The following ZBTB20 variants were observed in gnomAD, a reference collection of about 807,000 sequenced individuals.
ZBTB20 encodes the protein zinc finger and BTB domain-containing protein 20.
ZBTB20 carries 9 observed loss-of-function variants against 56.9 expected under a neutral mutation model. That is an observed-to-expected ratio of 0.16 (90% CI 0.10 to 0.28). The LOEUF is 0.28. Ranked by LOEUF, ZBTB20 falls within the 10% of genes least tolerant of loss-of-function variation. The pLI, the probability that ZBTB20 is intolerant of heterozygous loss-of-function variation, is 1.00. For missense variants in ZBTB20, 655 were observed against 1,003.0 expected, an observed-to-expected ratio of 0.65 and a Z score of 4.69; for synonymous variants, 417 against 420.7, an observed-to-expected ratio of 0.99 and a Z score of 0.11.
At chr3:114,976,090 T>C (rs1472833094) in intron 2 of ZBTB20, among the ~76,000 whole-genome samples, 1 of 152,218 alleles carries the variant, frequency 6.6e-6, no homozygotes, top group Non-Finnish European at 1.5e-5. Context: ...ACTTCTACAA[T>C]GCATTCTTTA....
chr3:114,726,069 C>T (rs952776998), intron 5 of ZBTB20, among the ~76,000 whole-genome samples: 4 of 151,948 alleles, frequency 2.6e-5, no homozygotes, highest in Admixed American at 6.6e-5. Flanking sequence ...ACTATGTAAC[C>T]GGTAAAAGGT....
At chr3:114,667,278 TA>T (rs769471491) in intron 6 of ZBTB20, among the ~76,000 whole-genome samples, 13 of 152,088 alleles carry the variant, frequency 8.5e-5, no homozygotes, top group East Asian at 7.7e-4. Context: ...GTAAACAAAA[TA>T]ACTTTTAAAA....
chr3:114,799,808 A>G (rs544420304), intron 5 of ZBTB20, among the ~76,000 whole-genome samples: 14 of 152,046 alleles, frequency 9.2e-5, no homozygotes, highest in Non-Finnish European at 1.9e-4. Flanking sequence ...AGATGCAATC[A>G]CAGTAAGGTA....
chr3:115,022,090 A>T (rs1236346779), intron 2 of ZBTB20, among the ~76,000 whole-genome samples: 1 of 150,792 alleles, frequency 6.6e-6, no homozygotes, highest in Non-Finnish European at 1.5e-5. Flanking sequence ...ATAATAGTTC[A>T]GACAATCTCC....
intron 2 of ZBTB20, among the ~76,000 whole-genome samples, chr3:115,001,100 A>AC (rs2079229609): frequency 6.6e-6 from 1 of 151,188 alleles, no homozygotes; most frequent in Non-Finnish European, 1.5e-5. Flanking sequence ...AAAAAAAAAA[A>AC]AAACAAATTT....
intron 6 of ZBTB20, among the ~76,000 whole-genome samples, chr3:114,610,026 G>A (rs951080295): frequency 6.6e-6 from 1 of 152,128 alleles, no homozygotes; most frequent in Non-Finnish European, 1.5e-5. Flanking sequence ...GCCTCCTTCA[G>A]GACTTAAATG....
intron 4 of ZBTB20, among the ~76,000 whole-genome samples, chr3:114,812,592 C>T (rs1461436211): frequency 6.6e-6 from 1 of 152,212 alleles, no homozygotes; most frequent in East Asian, 1.9e-4. Flanking sequence ...GACATAAAGG[C>T]TCTCCACGTC....
Position 115,092,964 on chromosome 3 carries a change from A to G in ZBTB20, c.-702-21550T>C, listed in dbSNP as rs372498069. 2.0e-5 allele frequency among the ~76,000 whole-genome samples: 3 copies of G among 152,166 alleles called. No homozygotes were observed. The East Asian group carries it at 5.8e-4, about 29-fold the overall frequency. On this transcript the variant is annotated intron_variant, in intron 1 of 11. Coordinates refer to ENST00000675478, the MANE Select transcript of ZBTB20 (RefSeq NM_001348800.3). ...CCATTTATTTGTGACTTTTAGATAGAAAATGCAAGCAAGATTATCTACATA... is the reference window on the plus strand; with the variant it reads ...CCATTTATTTGTGACTTTTAGATAGGAAATGCAAGCAAGATTATCTACATA...
chr3:114,416,414 C>A (rs1167898808), intron 7 of ZBTB20, among the ~76,000 whole-genome samples: 1 of 151,268 alleles, frequency 6.6e-6, no homozygotes, highest in African/African-American at 2.4e-5. Context: ...AACCTTGGAT[C>A]ATAAATATTC....
rs181842859 is a variant in ZBTB20 at position 114,330,759 on chromosome 3, A to G, written c.*8246T>C. The G allele has an allele frequency of 1.3e-3, 189 of 146,354 alleles. No homozygotes were observed. The highest frequency in any genetic ancestry group is 4.5e-3 in the African/African-American group (181 of 40,538). 9.1% of individuals were successfully genotyped at this position (146,354 alleles called of 1,614,324 possible). ...TTCTGTAAAACAGAAATAATGTACA[A>G]ATCATAAAAAATAACAAACCATCTA... On this transcript the variant is annotated 3_prime_UTR_variant, in exon 12 of 12. Coordinates refer to ENST00000675478, the MANE Select transcript of ZBTB20 (RefSeq NM_001348800.3).
intron 1 of ZBTB20, among the ~76,000 whole-genome samples, chr3:115,071,812 C>T (rs1383418659): frequency 6.6e-6 from 1 of 152,148 alleles, no homozygotes; most frequent in Non-Finnish European, 1.5e-5. Context: ...CCTATTGAAA[C>T]TAACAATGCC....
At chr3:114,610,943 T>C (rs2057502639) in intron 6 of ZBTB20, among the ~76,000 whole-genome samples, 1 of 152,202 alleles carries the variant, frequency 6.6e-6, no homozygotes, top group Non-Finnish European at 1.5e-5. Context: ...ATTAGTCAAA[T>C]TTTTATCCTT....
intron 2 of ZBTB20, among the ~76,000 whole-genome samples, chr3:115,046,849 T>A (rs529654961): frequency 6.6e-6 from 1 of 152,198 alleles, no homozygotes; most frequent in East Asian, 1.9e-4. Flanking sequence ...CAAACACAAA[T>A]ATCTATTATA....
At chr3:114,361,919 G>C (rs1297000697) in intron 10 of ZBTB20, among the ~76,000 whole-genome samples, 2 of 152,216 alleles carry the variant, frequency 1.3e-5, no homozygotes, top group East Asian at 3.9e-4. Context: ...TGTAAACCCA[G>C]CTAGTGCAGT....
chr3:114,677,187 C>T (rs1429923674), intron 6 of ZBTB20, among the ~76,000 whole-genome samples: 1 of 152,100 alleles, frequency 6.6e-6, no homozygotes, highest in African/African-American at 2.4e-5. Context: ...ATACTACCTG[C>T]TAAAAAATGA....
chr3:114,406,211 C>G (rs1442466891), intron 7 of ZBTB20, among the ~76,000 whole-genome samples: 2 of 152,070 alleles, frequency 1.3e-5, no homozygotes, highest in South Asian at 2.1e-4. Flanking sequence ...ATTATATGAC[C>G]ATGGCATTGC....
chr3:114,352,349 A>T (rs893887270), intron 10 of ZBTB20, among the ~76,000 whole-genome samples: 2 of 152,224 alleles, frequency 1.3e-5, no homozygotes, highest in African/African-American at 4.8e-5. Flanking sequence ...CCCCCAACTT[A>T]TCAAAGTCCC....
chr3:114,362,216 G>C (rs2081966594), intron 10 of ZBTB20, among the ~76,000 whole-genome samples: 1 of 152,128 alleles, frequency 6.6e-6, no homozygotes, highest in Non-Finnish European at 1.5e-5. Context: ...ACCTAAGTTA[G>C]TTCTTACCAA....
intron 7 of ZBTB20, among the ~76,000 whole-genome samples, chr3:114,446,800 A>G (rs2091299999): frequency 6.6e-6 from 1 of 152,180 alleles, no homozygotes; most frequent in East Asian, 1.9e-4. Context: ...AAACTCAGAC[A>G]CGTGGTATGC....
Sources: gnomAD v4.1 joint callset for allele counts (sites outside exome capture counted in the v4.1 genomes callset) on GRCh38, gnomAD v4.1.1 for gene constraint, MANE v1.5 for transcripts, NCBI Gene and HGNC (gene_info 2026-07-23, HGNC 2026-07-21) for gene names.